Variants in MACROD2 observed in about 807,000 individuals in gnomAD.
The protein encoded by MACROD2 is ADP-ribose glycohydrolase MACROD2.
Under a neutral mutation model 70.4 loss-of-function variants are expected in MACROD2, and 36 were observed. The observed-to-expected ratio is 0.51, with a 90% CI of 0.39 to 0.68. MACROD2 has a LOEUF of 0.68. Ranked by LOEUF, MACROD2 falls within the 30% of genes least tolerant of loss-of-function variation. The probability of loss-of-function intolerance (pLI) is 0.00; values close to 1 mark genes in which losing one functional copy is unlikely to be tolerated. For missense variants in MACROD2, 496 were observed against 538.4 expected (o/e 0.92, Z 0.78); for synonymous variants, 172 against 178.8 (o/e 0.96, Z 0.30).
chr20:15,606,299 G>C (rs917386952), intron 8 of MACROD2, among the ~76,000 whole-genome samples: 1 of 152,150 alleles, frequency 6.6e-6, no homozygotes, highest in Non-Finnish European at 1.5e-5. Context: ...AACCATCCCT[G>C]ATTCAGACGC....
intron 3 of MACROD2, among the ~76,000 whole-genome samples, chr20:14,149,192 GTT>G (rs11087076): frequency 6.9e-6 from 1 of 144,480 alleles, no homozygotes. Context: ...AGTACCCAAT[GTT>G]TTTTTTTTTT....
intron 8 of MACROD2, among the ~76,000 whole-genome samples, chr20:15,825,060 C>T (rs1368119151): frequency 6.6e-6 from 1 of 152,130 alleles, no homozygotes; most frequent in Non-Finnish European, 1.5e-5. Context: ...GGTCCATTGA[C>T]AAGTGCCAAT....
chr20:15,016,812 C>T (rs957745428), intron 5 of MACROD2, among the ~76,000 whole-genome samples: 4 of 152,090 alleles, frequency 2.6e-5, no homozygotes, highest in African/African-American at 9.7e-5. Flanking sequence ...AAGTGGAAAT[C>T]CCTGATAAAC....
rs2064527057 is a variant in MACROD2, at chr20:15,868,601, T to C, written c.727+5775T>C. Reference sequence around the variant, plus strand: ...TTCATTGCTTCTTGGGCTAATACTTTTCTTTTTTTTTTTTTTTCATTAGTT... The same window carrying C: ...TTCATTGCTTCTTGGGCTAATACTTCTCTTTTTTTTTTTTTTTCATTAGTT... On this transcript the variant is annotated intron_variant, in intron 9 of 17. Coordinates refer to ENST00000684519, the MANE Select transcript of MACROD2 (RefSeq NM_001351661.2). 1.8e-4 allele frequency among the ~76,000 whole-genome samples: 9 copies of C among 49,518 alleles called. No homozygotes were observed. In the South Asian group the frequency reaches 0.014, roughly 76 times the overall value. 32.5% of individuals were successfully genotyped at this position (49,518 alleles called of 152,430 possible). A position where few individuals can be genotyped will look rare whatever the true frequency, so the allele number is the denominator to read the frequency against.
chr20:15,654,658 G>A (rs1600717938), intron 8 of MACROD2, among the ~76,000 whole-genome samples: 1 of 152,196 alleles, frequency 6.6e-6, no homozygotes. Flanking sequence ...CTGTCCCAGA[G>A]TTCTCAGAGT....
rs971560788 is a variant in MACROD2 at position 14,845,255 on chromosome 20, A to G, written c.418+160296A>G. 4.6e-5 allele frequency among the ~76,000 whole-genome samples: 7 copies of G among 152,134 alleles called. 1 individual carries two copies. Among genetic ancestry groups the G allele is most frequent in the Non-Finnish European group, 8.8e-5 (6 of 68,022 alleles). On this transcript the variant is annotated intron_variant, in intron 5 of 17. Transcript: ENST00000684519. Reference sequence around the variant, plus strand: ...GGTTCTATGTCAAATTCATCTTTGTATATTCCTGACAGCCTAGTTACAATG... The same window carrying G: ...GGTTCTATGTCAAATTCATCTTTGTGTATTCCTGACAGCCTAGTTACAATG...
At chr20:15,344,211 C>G (rs1173342870) in intron 6 of MACROD2, among the ~76,000 whole-genome samples, 1 of 152,142 alleles carries the variant, frequency 6.6e-6, no homozygotes, top group Non-Finnish European at 1.5e-5. Context: ...CCCCAAGGAA[C>G]AGGCTCTTCC....
chr20:15,817,630 A>G (rs1361981540), intron 8 of MACROD2, among the ~76,000 whole-genome samples: 2 of 152,180 alleles, frequency 1.3e-5, no homozygotes, highest in South Asian at 2.1e-4. Flanking sequence ...GCCTCTCACA[A>G]CTGTTTCTTC....
intron 5 of MACROD2, among the ~76,000 whole-genome samples, chr20:14,917,862 G>A (rs542737408): frequency 6.6e-6 from 1 of 152,274 alleles, no homozygotes; most frequent in East Asian, 1.9e-4. Flanking sequence ...AATTTCACTA[G>A]GATGAAGATG....
chr20:15,590,954 AAAG>A (rs1366899829), intron 8 of MACROD2, among the ~76,000 whole-genome samples: 4 of 130,222 alleles, frequency 3.1e-5, no homozygotes, highest in African/African-American at 1.0e-4. Context: ...AGAAAGAAAG[AAAG>A]AAAAAGAAAG....
intron 8 of MACROD2, among the ~76,000 whole-genome samples, chr20:15,841,756 G>GGGTTCTAA (rs1555785870): frequency 2.0e-5 from 3 of 152,066 alleles, no homozygotes; most frequent in Non-Finnish European, 4.4e-5. Context: ...TTAGAATGAT[G>GGGTTCTAA]GTGGGAGGTC....
intron 8 of MACROD2, among the ~76,000 whole-genome samples, chr20:15,855,404 TACAC>T (rs1287305683): frequency 6.6e-6 from 1 of 152,152 alleles, no homozygotes; most frequent in Non-Finnish European, 1.5e-5. Flanking sequence ...GCAGTGAAAA[TACAC>T]AGAGAGATTA....
chr20:15,223,451 T>A (rs2076879053), intron 5 of MACROD2, among the ~76,000 whole-genome samples: 1 of 152,304 alleles, frequency 6.6e-6, no homozygotes, highest in Non-Finnish European at 1.5e-5. Flanking sequence ...TCCTGCCACA[T>A]TATAAAACAA....
At chr20:15,095,064 C>CTTTTT (rs373794823) in intron 5 of MACROD2, among the ~76,000 whole-genome samples, 27 of 89,280 alleles carry the variant, frequency 3.0e-4, no homozygotes, top group East Asian at 1.5e-3. Context: ...GTCTCCTCTT[C>CTTTTT]TTTTTTTTTT....
chr20:15,867,583 T>G (rs2064511408), intron 9 of MACROD2, among the ~76,000 whole-genome samples: 1 of 152,154 alleles, frequency 6.6e-6, no homozygotes, highest in Non-Finnish European at 1.5e-5. Flanking sequence ...TACATAAAAG[T>G]GCTTGTATTT....
chr20:14,001,911 C>G (rs540829420), intron 1 of MACROD2, among the ~76,000 whole-genome samples: 3 of 152,348 alleles, frequency 2.0e-5, no homozygotes, highest in African/African-American at 7.2e-5. Context: ...TTACCTCCCA[C>G]TAGACACCAT....
At chr20:15,244,520 G>A (rs906074504) in intron 6 of MACROD2, among the ~76,000 whole-genome samples, 1 of 152,132 alleles carries the variant, frequency 6.6e-6, no homozygotes, top group Non-Finnish European at 1.5e-5. Flanking sequence ...AGTGCCAGTT[G>A]GTTTGAGGCC....
At chr20:16,048,885 C>G (rs11697805) in intron 17 of MACROD2, among the ~76,000 whole-genome samples, 17,205 of 152,164 alleles carry the variant, frequency 0.11, 1,274 homozygotes, top group East Asian at 0.2. Flanking sequence ...TCACAAAAGC[C>G]CCAAACTTGA....
At chr20:15,191,945 G>GAGAGAT (rs1555791172) in intron 5 of MACROD2, among the ~76,000 whole-genome samples, 1 of 132,088 alleles carries the variant, frequency 7.6e-6, no homozygotes, top group Non-Finnish European at 1.6e-5. Flanking sequence ...GAGAGAGAGA[G>GAGAGAT]TTAATACATA....
Sources: gnomAD v4.1 joint callset for allele counts (sites outside exome capture counted in the v4.1 genomes callset) on GRCh38, gnomAD v4.1.1 for gene constraint, MANE v1.5 for transcripts, NCBI Gene and HGNC (gene_info 2026-07-23, HGNC 2026-07-21) for gene names.